DOCK4: variants seen among roughly 807,000 people sequenced by gnomAD.
DOCK4 encodes dedicator of cytokinesis 4, also known as dedicator of cytokinesis protein 4.
A neutral mutation model predicts 268.1 loss-of-function variants in DOCK4; 97 were observed. The ratio of observed to expected loss-of-function variants is 0.36; its 90% CI spans 0.31 to 0.43. The LOEUF (loss-of-function observed/expected upper bound fraction) is 0.43. DOCK4 is among the 20% of genes least tolerant of loss of function. DOCK4 has a pLI of 1.00. For missense variants in DOCK4, 2,145 were observed against 2,455.7 expected (o/e 0.87, Z 2.67); for synonymous variants, 954 against 887.2 (o/e 1.08, Z -1.34).
At chr7:111,936,166 C>G (rs115202512) in intron 11 of DOCK4, among the ~76,000 whole-genome samples, 1 of 152,126 alleles carries the variant, frequency 6.6e-6, no homozygotes, top group Non-Finnish European at 1.5e-5. Context: ...TGTCCAGAAT[C>G]AAAATGCAGC....
At chr7:111,835,487 GACCT>G (rs1340582617) in intron 25 of DOCK4, among the ~76,000 whole-genome samples, 1 of 152,092 alleles carries the variant, frequency 6.6e-6, no homozygotes, top group Non-Finnish European at 1.5e-5. Flanking sequence ...TGGATTTGAA[GACCT>G]ACATAAAATT....
intron 25 of DOCK4, among the ~76,000 whole-genome samples, chr7:111,844,385 GAA>G (rs1204604395): frequency 6.6e-6 from 1 of 152,196 alleles, no homozygotes; most frequent in Non-Finnish European, 1.5e-5. Context: ...AATTTGGAAT[GAA>G]AACTCAGGGC....
chr7:112,013,077 G>T (rs960736770), intron 1 of DOCK4, among the ~76,000 whole-genome samples: 1 of 152,162 alleles, frequency 6.6e-6, no homozygotes, highest in Non-Finnish European at 1.5e-5. Context: ...GCTTATTTTT[G>T]CAGCCTCTTC....
intron 1 of DOCK4, among the ~76,000 whole-genome samples, chr7:112,091,767 C>G (rs377271053): frequency 6.6e-6 from 1 of 152,150 alleles, no homozygotes; most frequent in South Asian, 2.1e-4. Flanking sequence ...ACTGTGTCCT[C>G]CTGAGATTTG....
chr7:111,810,463 A>C (rs1208363200), intron 28 of DOCK4, among the ~76,000 whole-genome samples: 2 of 152,090 alleles, frequency 1.3e-5, no homozygotes, highest in African/African-American at 4.8e-5. Context: ...AAACAAAAAA[A>C]AGAAAAAAAA....
At chr7:112,029,047 G>A (rs1301151444) in intron 1 of DOCK4, among the ~76,000 whole-genome samples, 1 of 152,066 alleles carries the variant, frequency 6.6e-6, no homozygotes, top group Non-Finnish European at 1.5e-5. Flanking sequence ...TTCTTCTTCT[G>A]TTTCTCAGCA....
chr7:111,976,408 T>C (rs983467533), intron 8 of DOCK4: 2 of 148,322 alleles, frequency 1.3e-5, no homozygotes, highest in African/African-American at 5.0e-5. Flanking sequence ...GTGATTTGTG[T>C]GATTCAATTC....
At chr7:111,731,020 G>A (rs1277639487) in intron 52 of DOCK4, among the ~76,000 whole-genome samples, 1 of 152,172 alleles carries the variant, frequency 6.6e-6, no homozygotes, top group Non-Finnish European at 1.5e-5. Context: ...AGCTCTGTGT[G>A]AGTAAGGGCA....
In DOCK4 at chr7:111,956,080, C is replaced by T. The variant is rs565293410; in HGVS notation, c.702-10282G>A. The stretch of plus-strand genomic sequence containing the variant: ...TGAAATGAGAAAGCCTCTATGTAGG[C>T]AGAATGCGTTCTGCTTATCATTCTG... On this transcript the variant is annotated intron_variant, in intron 8 of 52. Coordinates refer to ENST00000428084, the MANE Select transcript of DOCK4 (RefSeq NM_001363540.2). Among the ~76,000 whole-genome samples the T allele has an allele frequency of 2.0e-5, 3 of 152,242 alleles. No individual in the cohort carries two copies. The South Asian group carries it at 6.2e-4, about 32-fold the overall frequency.
At chr7:112,159,909 T>A (rs1226347311) in intron 1 of DOCK4, among the ~76,000 whole-genome samples, 2 of 147,600 alleles carry the variant, frequency 1.4e-5, no homozygotes, top group African/African-American at 5.3e-5. Context: ...ATATAATACA[T>A]AATAATCCCA....
In DOCK4 at chr7:111,768,879, A is replaced by G. The variant is rs74740964; in HGVS notation, c.3828+650T>C. Among the ~76,000 whole-genome samples, 30 of 152,286 alleles carry G rather than the reference A, an allele frequency of 2.0e-4. No homozygotes were observed. In the East Asian group the frequency reaches 5.2e-3, roughly 26 times the overall value. ...GGTCTGCATGTTTGGGTCTCTGACAAATTCATATGTTGAAATCCTAACCCC... is the reference window on the plus strand; with the variant it reads ...GGTCTGCATGTTTGGGTCTCTGACAGATTCATATGTTGAAATCCTAACCCC... On this transcript the variant is annotated intron_variant, in intron 37 of 52. Coordinates refer to ENST00000428084, the MANE Select transcript of DOCK4 (RefSeq NM_001363540.2).
chr7:111,862,453 T>C (rs1323580787), intron 23 of DOCK4, among the ~76,000 whole-genome samples: 1 of 148,974 alleles, frequency 6.7e-6, no homozygotes, highest in Non-Finnish European at 1.5e-5. Context: ...AAATCATACA[T>C]ACACACACAT....
chr7:111,742,267 GC>G, intron 44 of DOCK4, 135 bp from the exon 45 acceptor site: 1 of 955,350 alleles, frequency 1.0e-6, no homozygotes, highest in South Asian at 3.2e-5. Flanking sequence ...GGTAGGAACA[GC>G]TGTCACTTTA....
At chr7:111,729,810 CACTCCAG>C (rs940874530) in intron 52 of DOCK4, among the ~76,000 whole-genome samples, 7 of 152,226 alleles carry the variant, frequency 4.6e-5, no homozygotes, top group African/African-American at 1.4e-4. Flanking sequence ...CTCCAGCCAT[CACTCCAG>C]ACTCCAGACT....
At chr7:112,141,838 C>A (rs903345894) in intron 1 of DOCK4, among the ~76,000 whole-genome samples, 3 of 152,164 alleles carry the variant, frequency 2.0e-5, no homozygotes, top group African/African-American at 4.8e-5. Context: ...CTACACTGAA[C>A]TGGGGACACT....
At chr7:112,170,297 A>G (rs576352517) in intron 1 of DOCK4, among the ~76,000 whole-genome samples, 1 of 152,094 alleles carries the variant, frequency 6.6e-6, no homozygotes, top group South Asian at 2.1e-4. Context: ...CAAAAAATTT[A>G]AAAATAAAAA....
intron 42 of DOCK4, among the ~76,000 whole-genome samples, chr7:111,753,404 G>A (rs2133536410): frequency 6.6e-6 from 1 of 152,226 alleles, no homozygotes; most frequent in South Asian, 2.1e-4. Flanking sequence ...GAGCCCGGGA[G>A]GTCAAGGCTG....
intron 16 of DOCK4, among the ~76,000 whole-genome samples, chr7:111,880,806 A>G (rs1165480373): frequency 6.6e-6 from 1 of 152,212 alleles, no homozygotes; most frequent in Non-Finnish European, 1.5e-5. Flanking sequence ...CAAAGGTGCC[A>G]AGAATATACA....
chr7:111,917,703 A>G (rs950721070), intron 12 of DOCK4, among the ~76,000 whole-genome samples: 8 of 150,932 alleles, frequency 5.3e-5, no homozygotes, highest in African/African-American at 2.0e-4. Context: ...GAGACCCCAT[A>G]ATAAAAAAAA....
Sources: gnomAD v4.1 joint callset for allele counts (sites outside exome capture counted in the v4.1 genomes callset) on GRCh38, gnomAD v4.1.1 for gene constraint, MANE v1.5 for transcripts, NCBI Gene and HGNC (gene_info 2026-07-23, HGNC 2026-07-21) for gene names.